Variants in CHST15 observed in about 807,000 individuals in gnomAD.
The protein encoded by CHST15 is carbohydrate sulfotransferase 15.
CHST15 carries 30 observed loss-of-function variants against 53.6 expected under a neutral mutation model. The observed-to-expected ratio is 0.56, with a 90% confidence interval of 0.42 to 0.76. The LOEUF is 0.76. CHST15 is among the 30% of genes least tolerant of loss of function. The pLI, the probability that CHST15 is intolerant of heterozygous loss-of-function variation, is 0.00. For missense variants in CHST15, 627 were observed against 740.5 expected, an observed-to-expected ratio of 0.85 and a Z score of 1.78; for synonymous variants, 296 against 289.8, an observed-to-expected ratio of 1.02 and a Z score of -0.22.
At chr10:124,023,845 C>T (rs1946885970) in intron 5 of CHST15, among the ~76,000 whole-genome samples, 4 of 128,608 alleles carry the variant, frequency 3.1e-5, no homozygotes, top group East Asian at 5.5e-4. Flanking sequence ...TTTCCGTCTT[C>T]GTTTTTTTTT....
chr10:124,074,880 C>T lies in CHST15; in HGVS notation c.-513+18589G>A, dbSNP rs550103850. 6.6e-6 allele frequency among the ~76,000 whole-genome samples: 1 copy of T among 152,240 alleles called. No homozygotes were observed. Among genetic ancestry groups the T allele is most frequent in the African/African-American group, 2.4e-5 (1 of 41,462 alleles). ...TCCTTTTGAATGCGGCTGTGCTAGG[C>T]AGTGGGGTGCAGTGTGTGGACAAGA... On this transcript the variant is annotated intron_variant, in intron 1 of 7. Transcript: ENST00000435907. This position sits in a 1 kb window ranked among gnomAD's most constrained non-coding sequence, Gnocchi z 4.4.
rs1023761584 is a variant in CHST15 at position 124,079,497 on chromosome 10, G to A, written c.-513+13972C>T. 2.0e-5 allele frequency among the ~76,000 whole-genome samples: 3 copies of A among 152,228 alleles called. No individual in the cohort carries two copies. The East Asian group carries it at 5.8e-4, about 29-fold the overall frequency. On this transcript the variant is annotated intron_variant, in intron 1 of 7. Transcript: ENST00000435907. ...TCCAGGAGTAGACAAGGTTCAGGGT[G>A]TCCTGATGCAGGACCTGGGAGGCCA... is the stretch of plus-strand genomic sequence containing the variant.
chr10:124,015,575 G>A (rs1946561700), intron 6 of CHST15, among the ~76,000 whole-genome samples: 1 of 151,926 alleles, frequency 6.6e-6, no homozygotes, highest in South Asian at 2.1e-4. Context: ...ACAGGTACCA[G>A]GCCGAGCCTC....
chr10:124,065,857 G>A (rs1948736655), intron 1 of CHST15, among the ~76,000 whole-genome samples: 1 of 152,102 alleles, frequency 6.6e-6, no homozygotes, highest in Non-Finnish European at 1.5e-5. Flanking sequence ...GCACCCAGAA[G>A]ATATAATTTT....
At chr10:124,064,913 C>T (rs1171731946) in intron 1 of CHST15, among the ~76,000 whole-genome samples, 3 of 152,230 alleles carry the variant, frequency 2.0e-5, no homozygotes, top group East Asian at 3.9e-4. Context: ...GACTAGCATC[C>T]GCCTTAACCA....
intron 5 of CHST15, among the ~76,000 whole-genome samples, chr10:124,022,285 C>T (rs1043215561): frequency 2.0e-5 from 3 of 152,212 alleles, no homozygotes; most frequent in African/African-American, 2.4e-5. Context: ...CTAGGTGCCA[C>T]GTAATTGAAC....
intron 5 of CHST15, among the ~76,000 whole-genome samples, chr10:124,026,228 C>G (rs1426173477): frequency 6.6e-6 from 1 of 152,188 alleles, no homozygotes; most frequent in Admixed American, 6.5e-5. Flanking sequence ...TTCAGGGGAG[C>G]ACTCAGACAG....
chr10:124,010,059 ATGAG>A lies in CHST15; in HGVS notation c.*86_*89del. 1 of 1,601,602 alleles carries A rather than the reference ATGAG, an allele frequency of 6.2e-7. No individual in the cohort carries two copies. The highest frequency in any genetic ancestry group is 1.7e-5 in the Admixed American group (1 of 59,246). On this transcript the variant is annotated 3_prime_UTR_variant, in exon 8 of 8. Transcript: ENST00000435907. ...GCAGAGTCCTGGGGTTTTCCATACC[ATGAG>A]TGAAACAGTTCCCCGCAAAGAGATT...
chr10:124,041,411 T>C (rs971953749), intron 4 of CHST15, among the ~76,000 whole-genome samples: 3 of 152,336 alleles, frequency 2.0e-5, no homozygotes, highest in East Asian at 1.9e-4. Flanking sequence ...AAAAGAATTA[T>C]GTCAGGCAAA....
intron 5 of CHST15, among the ~76,000 whole-genome samples, chr10:124,033,192 G>A (rs149053327): frequency 7.2e-5 from 11 of 152,350 alleles, no homozygotes; most frequent in East Asian, 1.9e-4. Flanking sequence ...TGGGAAACGC[G>A]CCAACCATTT....
chr10:124,040,463 G>C (rs1157391807), intron 4 of CHST15, among the ~76,000 whole-genome samples: 6 of 152,304 alleles, frequency 3.9e-5, no homozygotes, highest in African/African-American at 1.4e-4. Flanking sequence ...CTCAAGTTCA[G>C]CCATCACGTT....
At position 124,008,006 on chromosome 10, in the gene CHST15, A is replaced by G. The variant is rs28521273; in HGVS notation, c.*2143T>C. 7,743 of 1,232,110 alleles carry G rather than the reference A, an allele frequency of 6.3e-3. 197 individuals are homozygous for G. The highest frequency in any genetic ancestry group is 0.062 in the African/African-American group (3,967 of 64,498). The allele number at this position is 1,232,110 out of a possible 1,614,324, so 76.3% of individuals were successfully genotyped here. A position where few individuals can be genotyped will look rare whatever the true frequency, so the allele number is the denominator to read the frequency against. ...CTGGAGAGAAAGGCCCCTGGAGGGAAAAACCATGTCTGGATGGCATTGAGT... is the reference window on the plus strand; with the variant it reads ...CTGGAGAGAAAGGCCCCTGGAGGGAGAAACCATGTCTGGATGGCATTGAGT... On this transcript the variant is annotated 3_prime_UTR_variant, in exon 8 of 8. Transcript: ENST00000435907.
rs991594874 is a variant in CHST15 at position 124,074,651 on chromosome 10, G to A, written c.-513+18818C>T. Among the ~76,000 whole-genome samples the A allele has an allele frequency of 4.6e-5, 7 of 152,232 alleles. No homozygotes were observed. The highest frequency in any genetic ancestry group is 1.3e-4 in the Admixed American group (2 of 15,298). On this transcript the variant is annotated intron_variant, in intron 1 of 7. Coordinates refer to ENST00000435907, the MANE Select transcript of CHST15 (RefSeq NM_001270764.2). The surrounding 1 kb of genome is among the most constrained non-coding windows in gnomAD (Gnocchi z 4.4). The stretch of plus-strand genomic sequence containing the variant: ...CCTGGAGCTCTCCAATGCACCCCGC[G>A]CCTCTGCCAGACTGGGCTCACGGCA...
Position 124,076,734 on chromosome 10 carries a change from G to A in CHST15, c.-513+16735C>T, listed in dbSNP as rs567515450. On this transcript the variant is annotated intron_variant, in intron 1 of 7. Coordinates refer to ENST00000435907, the MANE Select transcript of CHST15 (RefSeq NM_001270764.2). ...AATTTTTTTTTTTTTTTTTGAGACG[G>A]AGTCTCGCTCTGTCGCCCAGGCTGG... 4.7e-5 allele frequency among the ~76,000 whole-genome samples: 7 copies of A among 149,876 alleles called. No homozygotes were observed. In the South Asian group the frequency reaches 1.3e-3, roughly 27 times the overall value.
At chr10:124,078,115 G>A (rs962784943) in intron 1 of CHST15, among the ~76,000 whole-genome samples, 5 of 152,142 alleles carry the variant, frequency 3.3e-5, no homozygotes, top group African/African-American at 7.2e-5. Context: ...GAAGGGACAC[G>A]GCAGATCTCA....
chr10:124,092,447 G>A (rs1029888810), intron 1 of CHST15: 2 of 152,258 alleles, frequency 1.3e-5, no homozygotes, highest in Admixed American at 1.3e-4. Flanking sequence ...GGGGCGCAGG[G>A]AGGGGACAGC....
intron 5 of CHST15, 37 bp from the exon 6 acceptor site, chr10:124,021,449 G>T: frequency 6.3e-7 from 1 of 1,579,720 alleles, no homozygotes; most frequent in Non-Finnish European, 8.6e-7. Flanking sequence ...TACCACCCAT[G>T]AACATGCAAT....
chr10:124,043,010 C>G (rs1455448548), intron 3 of CHST15, among the ~76,000 whole-genome samples: 2 of 152,184 alleles, frequency 1.3e-5, no homozygotes, highest in African/African-American at 2.4e-5. Context: ...GGGAACTGAT[C>G]ATACTCTAGA....
rs185756521 is a variant in CHST15, at chr10:124,034,040, A to G, written c.1190+4475T>C. On this transcript the variant is annotated intron_variant, in intron 5 of 7. Transcript: ENST00000435907. ...TCCTGCCCTTCCCCTCAGCACCAGG[A>G]CATGAGCCATGACGAAGCCGCCGCC... is the stretch of plus-strand genomic sequence containing the variant. Among the ~76,000 whole-genome samples, 18 of 152,330 alleles carry G rather than the reference A, an allele frequency of 1.2e-4. No individual in the cohort carries two copies. The East Asian group carries it at 2.9e-3, about 25-fold the overall frequency.
Sources: gnomAD v4.1 joint callset for allele counts (sites outside exome capture counted in the v4.1 genomes callset) on GRCh38, gnomAD v4.1.1 for gene constraint, Gnocchi (gnomAD v3.1) non-coding constraint, MANE v1.5 for transcripts, NCBI Gene and HGNC (gene_info 2026-07-23, HGNC 2026-07-21) for gene names.